PSPC1: variants seen among roughly 807,000 people sequenced by gnomAD.
PSPC1 encodes paraspeckle component 1, also known as paraspeckle protein 1.
Under a neutral mutation model 51.6 loss-of-function variants are expected in PSPC1, and 14 were observed. That is an observed-to-expected ratio of 0.27 (90% confidence interval 0.18 to 0.42). The LOEUF (loss-of-function observed/expected upper bound fraction) is 0.42. Among genes scored for constraint, PSPC1 ranks in the 10% least tolerant of loss-of-function variants. The pLI, the probability that PSPC1 is intolerant of heterozygous loss-of-function variation, is 1.00. For synonymous variants in PSPC1, 193 were observed against 231.9 expected, an observed-to-expected ratio of 0.83 and a Z score of 1.53; for missense variants, 406 against 701.1, an observed-to-expected ratio of 0.58 and a Z score of 4.75.
chr13:19,778,362 TCTCCCCCTCCCCCTCCCC>T (rs760266904), intron 1 of PSPC1, among the ~76,000 whole-genome samples: 508 of 34,188 alleles, frequency 0.015, 22 homozygotes, highest in African/African-American at 0.053. Context: ...GACCTCTCCC[TCTCCCCCTCCCCCTCCCC>T]CTCCCCCTCC....
At chr13:19,733,938 G>A (rs538969039) in intron 5 of PSPC1, among the ~76,000 whole-genome samples, 33 of 152,098 alleles carry the variant, frequency 2.2e-4, no homozygotes, top group African/African-American at 7.2e-4. Flanking sequence ...GGGTGACAGA[G>A]TGAGATTCTG....
rs550864135 is a variant in PSPC1 at position 19,755,204 on chromosome 13, G to A, written c.771-3737C>T. ...TGAGCCATGACCATGCCATTGCACT[G>A]CAGTCTGGGCAACAGGGCCAGACCC... On this transcript the variant is annotated intron_variant, in intron 3 of 8. Coordinates refer to ENST00000338910, the MANE Select transcript of PSPC1 (RefSeq NM_001354909.2). Among the ~76,000 whole-genome samples the A allele has an allele frequency of 1.7e-3, 263 of 151,668 alleles. 1 individual carries two copies. Among genetic ancestry groups the A allele is most frequent in the Middle Eastern group, 3.4e-3 (1 of 294 alleles).
chr13:19,726,315 T>C (rs1024437172), intron 6 of PSPC1, among the ~76,000 whole-genome samples: 2 of 152,200 alleles, frequency 1.3e-5, no homozygotes, highest in African/African-American at 4.8e-5. Context: ...TAGTTTTGAA[T>C]CTTCGCTACC....
At chr13:19,680,877 A>G (rs1243365497) in intron 6 of PSPC1, among the ~76,000 whole-genome samples, 1 of 152,246 alleles carries the variant, frequency 6.6e-6, no homozygotes, top group African/African-American at 2.4e-5. Context: ...TCAGAAATGT[A>G]AACAGTCAAT....
chr13:19,775,843 G>C (rs1173520979), intron 1 of PSPC1, among the ~76,000 whole-genome samples: 1 of 152,296 alleles, frequency 6.6e-6, no homozygotes, highest in East Asian at 1.9e-4. Context: ...GAGGTCAGGA[G>C]ATTGAGACCA....
chr13:19,712,426 C>G (rs952060347), intron 6 of PSPC1, among the ~76,000 whole-genome samples: 3 of 152,134 alleles, frequency 2.0e-5, no homozygotes, highest in African/African-American at 4.8e-5. Flanking sequence ...ATTTTCAGCT[C>G]TATGTATCAC....
chr13:19,674,133 C>CT (rs1876351086), downstream of PSPC1, among the ~76,000 whole-genome samples: 1 of 152,228 alleles, frequency 6.6e-6, no homozygotes, highest in African/African-American at 2.4e-5. Flanking sequence ...TTCCTTTCCA[C>CT]TGTCTACTTG....
intron 6 of PSPC1, among the ~76,000 whole-genome samples, chr13:19,716,868 C>G (rs1344831338): frequency 6.6e-6 from 1 of 152,062 alleles, no homozygotes; most frequent in Non-Finnish European, 1.5e-5. Flanking sequence ...AAGGTTATAA[C>G]CAATTAAACT....
intron 6 of PSPC1, 124 bp from the exon 7 acceptor site, chr13:19,709,723 C>T: frequency 1.2e-6 from 1 of 842,902 alleles, no homozygotes; most frequent in Non-Finnish European, 1.9e-6. Flanking sequence ...TGAAAAGTTT[C>T]CATCATCATA....
intron 6 of PSPC1, chr13:19,677,929 G>A: frequency 2.3e-6 from 1 of 433,070 alleles, no homozygotes; most frequent in Non-Finnish European, 4.7e-6. Context: ...CAGTAATTGA[G>A]GTTTCGATAC....
chr13:19,734,097 G>C (rs1884472917), intron 5 of PSPC1, among the ~76,000 whole-genome samples: 3 of 152,080 alleles, frequency 2.0e-5, no homozygotes, highest in African/African-American at 7.2e-5. Flanking sequence ...TTTAATGACA[G>C]CATACAGAAA....
chr13:19,758,111 G>A (rs903701890), intron 3 of PSPC1, among the ~76,000 whole-genome samples: 9 of 151,942 alleles, frequency 5.9e-5, no homozygotes, highest in Non-Finnish European at 8.8e-5. Context: ...TCAGGAGATC[G>A]AGACCATCCT....
At chr13:19,683,647 G>A (rs1377798578) in intron 6 of PSPC1, among the ~76,000 whole-genome samples, 2 of 152,102 alleles carry the variant, frequency 1.3e-5, no homozygotes, top group East Asian at 3.8e-4. Context: ...TTAAAGAAGG[G>A]AAAATTATTT....
At chr13:19,770,214 C>T (rs1888493058) in intron 2 of PSPC1, among the ~76,000 whole-genome samples, 2 of 152,110 alleles carry the variant, frequency 1.3e-5, no homozygotes, top group Non-Finnish European at 2.9e-5. Context: ...TTAGAAAACA[C>T]AAAACTTATT....
At chr13:19,695,454 T>C (rs559643897) in intron 6 of PSPC1, among the ~76,000 whole-genome samples, 1 of 152,358 alleles carries the variant, frequency 6.6e-6, no homozygotes, top group African/African-American at 2.4e-5. Context: ...AAAAATTTAA[T>C]GGCTTCAGAT....
chr13:19,679,432 G>A (rs183580000), intron 6 of PSPC1, among the ~76,000 whole-genome samples: 127 of 152,306 alleles, frequency 8.3e-4, no homozygotes, highest in Non-Finnish European at 9.0e-4. Context: ...CGATGTGGAG[G>A]TTGAAGTGAG....
chr13:19,753,057 C>A (rs1458733892), intron 3 of PSPC1, among the ~76,000 whole-genome samples: 1 of 151,452 alleles, frequency 6.6e-6, no homozygotes, highest in Non-Finnish European at 1.5e-5. Flanking sequence ...CTGAGACAGG[C>A]GGATCACAAC....
intron 6 of PSPC1, among the ~76,000 whole-genome samples, chr13:19,728,610 C>T (rs1480348572): frequency 6.6e-6 from 1 of 152,112 alleles, no homozygotes; most frequent in Admixed American, 6.6e-5. Context: ...CCCATTAACA[C>T]AAAATATTTG....
Position 19,782,467 on chromosome 13 carries a change from G to A in PSPC1, c.291C>T (p.Asp97=). The change falls in exon 1 of 9, where the codon GAC becomes GAT. Residue 97 remains aspartate (D), a synonymous_variant. Transcript: ENST00000338910. This position sits in a 1 kb window ranked among gnomAD's most constrained non-coding sequence, Gnocchi z 4.5. ...GNLPTDITEE[D]FKRLFERYGE... ...CATAGCGTTCGAAGAGCCTCTTGAA[G>A]TCCTCCTCCGTGATGTCGGTGGGCA... 6.2e-7 allele frequency: 1 copy of A among 1,612,260 alleles called. No individual in the cohort carries two copies.
Sources: gnomAD v4.1 joint callset for allele counts (sites outside exome capture counted in the v4.1 genomes callset) on GRCh38, gnomAD v4.1.1 for gene constraint, Gnocchi (gnomAD v3.1) non-coding constraint, MANE v1.5 for transcripts, NCBI Gene and HGNC (gene_info 2026-07-23, HGNC 2026-07-21) for gene names.